The following MB21D2 variants were observed in gnomAD, a reference collection of about 807,000 sequenced individuals.
MB21D2 encodes the protein Mab-21 domain containing 2.
MB21D2 carries 9 observed loss-of-function variants against 33.3 expected under a neutral mutation model. The ratio of observed to expected loss-of-function variants is 0.27; its 90% CI spans 0.16 to 0.47. MB21D2 has a LOEUF of 0.47. Ranked by LOEUF, MB21D2 falls within the 20% of genes least tolerant of loss-of-function variation. The pLI, the probability that MB21D2 is intolerant of heterozygous loss-of-function variation, is 0.99. For missense variants in MB21D2, 540 were observed against 624.6 expected (o/e 0.86, Z 1.44); for synonymous variants, 241 against 236.3 (o/e 1.02, Z -0.18).
At chr3:192,912,910 A>C (rs539737310) in intron 1 of MB21D2, among the ~76,000 whole-genome samples, 1 of 152,304 alleles carries the variant, frequency 6.6e-6, no homozygotes, top group South Asian at 2.1e-4. Flanking sequence ...AAGGGTAACA[A>C]CACCTATTTC....
chr3:192,865,309 G>A (rs924052987), intron 1 of MB21D2, among the ~76,000 whole-genome samples: 1 of 152,188 alleles, frequency 6.6e-6, no homozygotes, highest in African/African-American at 2.4e-5. Flanking sequence ...GAACTGCAAG[G>A]TAGAAGATGA....
intron 1 of MB21D2, among the ~76,000 whole-genome samples, chr3:192,826,315 C>T (rs1344573805): frequency 1.3e-5 from 2 of 152,156 alleles, no homozygotes; most frequent in Admixed American, 6.5e-5. Flanking sequence ...GTTTAACTGG[C>T]CACTTAATAC....
intron 1 of MB21D2, among the ~76,000 whole-genome samples, chr3:192,897,741 C>T (rs9844800): frequency 0.51 from 78,176 of 151,932 alleles, 20,257 homozygotes; most frequent in South Asian, 0.53. Context: ...CCTGTAAACC[C>T]AGCACTTTGA....
At chr3:192,854,095 C>T (rs1324965998) in intron 1 of MB21D2, among the ~76,000 whole-genome samples, 1 of 152,208 alleles carries the variant, frequency 6.6e-6, no homozygotes, top group Non-Finnish European at 1.5e-5. Flanking sequence ...GGAAGAGACA[C>T]ATGTCCTTCA....
chr3:192,870,832 T>C (rs139123037), intron 1 of MB21D2, among the ~76,000 whole-genome samples: 225 of 151,416 alleles, frequency 1.5e-3, no homozygotes, highest in South Asian at 0.015. Context: ...TTTCTCATCA[T>C]ATCTCTTAAG....
chr3:192,883,804 G>A (rs998371224), intron 1 of MB21D2, among the ~76,000 whole-genome samples: 1 of 152,098 alleles, frequency 6.6e-6, no homozygotes, highest in Non-Finnish European at 1.5e-5. Flanking sequence ...CCTGATCTGA[G>A]GCTTAAATCA....
chr3:192,895,290 G>A (rs1713942060), intron 1 of MB21D2, among the ~76,000 whole-genome samples: 1 of 152,168 alleles, frequency 6.6e-6, no homozygotes, highest in Admixed American at 6.5e-5. Flanking sequence ...AGACTTTCAA[G>A]AGGGAGTTCC....
intron 1 of MB21D2, among the ~76,000 whole-genome samples, chr3:192,888,081 T>C (rs769384583): frequency 5.3e-5 from 8 of 152,098 alleles, no homozygotes; most frequent in South Asian, 2.1e-4. Flanking sequence ...TCCTCCGTTC[T>C]GGGAAAAAGT....
At chr3:192,884,207 T>C (rs1035235123) in intron 1 of MB21D2, among the ~76,000 whole-genome samples, 12 of 152,154 alleles carry the variant, frequency 7.9e-5, no homozygotes, top group African/African-American at 2.9e-4. Flanking sequence ...TACTATTGTT[T>C]ACATTCTAAA....
chr3:192,840,341 C>T, intron 1 of MB21D2, among the ~76,000 whole-genome samples: 1 of 148,552 alleles, frequency 6.7e-6, no homozygotes, highest in East Asian at 2.0e-4. Context: ...AAAAGAAAAT[C>T]AAAGCTCCTT....
At chr3:192,854,577 A>G (rs1420220494) in intron 1 of MB21D2, among the ~76,000 whole-genome samples, 1 of 152,258 alleles carries the variant, frequency 6.6e-6, no homozygotes, top group East Asian at 1.9e-4. Context: ...TAGCTACAGT[A>G]AACAGCGTTT....
chr3:192,810,291 C>T (rs997179185), intron 1 of MB21D2, among the ~76,000 whole-genome samples: 10 of 152,110 alleles, frequency 6.6e-5, no homozygotes, highest in Non-Finnish European at 1.5e-5. Context: ...GTAACAAGCA[C>T]CCTAAAAAAA....
chr3:192,813,343 G>C (rs531345295), intron 1 of MB21D2, among the ~76,000 whole-genome samples: 7 of 150,020 alleles, frequency 4.7e-5, no homozygotes, highest in Admixed American at 4.6e-4. Context: ...CAGTTTCCAG[G>C]AATAAAAGAA....
At chr3:192,905,663 AAAG>A (rs1444671159) in intron 1 of MB21D2, among the ~76,000 whole-genome samples, 2 of 149,866 alleles carry the variant, frequency 1.3e-5, no homozygotes, top group Non-Finnish European at 3.0e-5. Flanking sequence ...AAGAAAAAGA[AAAG>A]AAAAGAAAAG....
chr3:192,909,847 A>T (rs886333453), intron 1 of MB21D2, among the ~76,000 whole-genome samples: 2 of 148,794 alleles, frequency 1.3e-5, no homozygotes, highest in Non-Finnish European at 3.0e-5. Flanking sequence ...CAGGAGAATC[A>T]CTGGAACCCG....
At chr3:192,802,347 G>T (rs1466840667) in intron 1 of MB21D2, among the ~76,000 whole-genome samples, 1 of 125,796 alleles carries the variant, frequency 7.9e-6, no homozygotes. Context: ...TAGATCCCAA[G>T]GGTGCTGCTT....
intron 1 of MB21D2, among the ~76,000 whole-genome samples, chr3:192,849,959 C>T (rs1378276175): frequency 6.7e-6 from 1 of 149,916 alleles, no homozygotes; most frequent in Admixed American, 6.7e-5. Flanking sequence ...CACTCTGTCA[C>T]CCAGGCCGGA....
At chr3:192,852,216 C>T (rs1401296818) in intron 1 of MB21D2, among the ~76,000 whole-genome samples, 1 of 152,184 alleles carries the variant, frequency 6.6e-6, no homozygotes, top group African/African-American at 2.4e-5. Context: ...AGAGACACCA[C>T]TCAGCATGCA....
intron 1 of MB21D2, among the ~76,000 whole-genome samples, chr3:192,846,380 A>G (rs1290879767): frequency 6.6e-6 from 1 of 152,182 alleles, no homozygotes; most frequent in African/African-American, 2.4e-5. Flanking sequence ...TATTTCAATG[A>G]ATCTTCATAA....
Sources: allele counts gnomAD v4.1 joint callset (sites outside exome capture counted in the v4.1 genomes callset), GRCh38; gene constraint gnomAD v4.1.1; transcripts MANE v1.5; gene names NCBI Gene and HGNC (gene_info 2026-07-23, HGNC 2026-07-21).